MFSD6: variants seen among roughly 807,000 people sequenced by gnomAD.
MFSD6 encodes major facilitator superfamily domain containing 6.
MFSD6 carries 26 observed loss-of-function variants against 56.3 expected under a neutral mutation model. The observed-to-expected ratio is 0.46, with a 90% CI of 0.34 to 0.64. The LOEUF is 0.64. Ranked by LOEUF, MFSD6 falls within the 30% of genes least tolerant of loss-of-function variation. The pLI is 0.01. For missense variants in MFSD6, 750 were observed against 986.2 expected (o/e 0.76, Z 3.21); for synonymous variants, 331 against 366.9 (o/e 0.90, Z 1.12).
At position 190,437,113 on chromosome 2, in the gene MFSD6, C is replaced by A; in HGVS notation, c.1084C>A (p.Pro362Thr). ...EVLIDGKGCK[P>T]PEYRNYQIVF... ...GCTCATCGATGGAAAGGGGTGTAAG[C>A]CCCCCGAGTACAGGAATTACCAGAT... Residue 362 changes from proline (P) to threonine (T), a missense_variant, in exon 3 of 8, where the codon CCC becomes ACC. Coordinates refer to ENST00000392328, the MANE Select transcript of MFSD6 (RefSeq NM_017694.4). This position sits in a 1 kb window ranked among gnomAD's most constrained non-coding sequence, Gnocchi z 5.9. The A allele has an allele frequency of 6.2e-7, 1 of 1,614,208 alleles. No homozygotes were observed. Among genetic ancestry groups the A allele is most frequent in the Admixed American group, 1.7e-5 (1 of 60,032 alleles).
chr2:190,416,156 T>A lies in MFSD6; in HGVS notation c.-54+743T>A, dbSNP rs1690766284. 6.6e-6 allele frequency among the ~76,000 whole-genome samples: 1 copy of A among 152,234 alleles called. No homozygotes were observed. The highest frequency in any genetic ancestry group is 2.1e-4 in the South Asian group (1 of 4,836). On this transcript the variant is annotated intron_variant, in intron 2 of 7. Coordinates refer to ENST00000392328, the MANE Select transcript of MFSD6 (RefSeq NM_017694.4). This position sits in a 1 kb window ranked among gnomAD's most constrained non-coding sequence, Gnocchi z 4.1. ...TAGGAATCTGCTTCATGATGGCTGATAAGGTCTGAGGAACCTAAATTATAA... is the reference window on the plus strand; with the variant it reads ...TAGGAATCTGCTTCATGATGGCTGAAAAGGTCTGAGGAACCTAAATTATAA...
intron 3 of MFSD6, among the ~76,000 whole-genome samples, chr2:190,448,043 A>G (rs369078251): frequency 2.1e-4 from 32 of 152,180 alleles, no homozygotes; most frequent in African/African-American, 7.5e-4. Flanking sequence ...TTCCATCTTC[A>G]GTGGCTGGGT....
chr2:190,484,104 T>C (rs922710818), intron 4 of MFSD6, among the ~76,000 whole-genome samples: 2 of 152,158 alleles, frequency 1.3e-5, no homozygotes, highest in African/African-American at 2.4e-5. Context: ...GCACCTGTTA[T>C]GTGAGTTGGT....
rs180942003 is a variant in MFSD6 at position 190,437,139 on chromosome 2, C to T, written c.1110C>T (p.Ile370=). The T allele has an allele frequency of 1.1e-5, 17 of 1,614,234 alleles. No homozygotes were observed. In the African/African-American group the frequency reaches 1.2e-4, roughly 11 times the overall value. ...CKPPEYRNYQ[I]VFIVFGVLMT... is the part of the protein sequence containing the mutation. Reference sequence around the variant, plus strand: ...CCCCCGAGTACAGGAATTACCAGATCGTCTTCATCGTCTTCGGCGTTCTCA... The same window carrying T: ...CCCCCGAGTACAGGAATTACCAGATTGTCTTCATCGTCTTCGGCGTTCTCA... The change falls in exon 3 of 8, where the codon ATC becomes ATT. Residue 370 remains isoleucine (I), a synonymous_variant. Coordinates refer to ENST00000392328, the MANE Select transcript of MFSD6 (RefSeq NM_017694.4). This position sits in a 1 kb window ranked among gnomAD's most constrained non-coding sequence, Gnocchi z 5.9.
chr2:190,436,163 A>G lies in MFSD6; in HGVS notation c.134A>G (p.Glu45Gly). ...TCGAATGAAACACCTTCCTCCACAG[A>G]AACATCTGCTATTCCTGAGGAGGAA... ...PPSNETPSST[E>G]TSAIPEEEID... is the part of the protein sequence containing the mutation. The change falls in exon 3 of 8, where the codon GAA becomes GGA. Residue 45 changes from glutamate to glycine, a missense_variant. Around this residue, in one of 5 missense-constraint regions of MFSD6, gnomAD observed 76 missense variants for 101.9 expected, o/e 0.75. Transcript: ENST00000392328. The surrounding 1 kb of genome is among the most constrained non-coding windows in gnomAD (Gnocchi z 5.3). 6.2e-7 allele frequency: 1 copy of G among 1,614,112 alleles called. No individual in the cohort carries two copies. Among genetic ancestry groups the G allele is most frequent in the Non-Finnish European group, 8.5e-7 (1 of 1,179,930 alleles).
rs1686905818 is a variant in MFSD6 at position 190,454,450 on chromosome 2, G to C, written c.1533-15308G>C. ...AATGAAGTTTAGAGGTCATGAGAGT[G>C]GGGCCCTCATAATGGGGTTAGTGCC... On this transcript the variant is annotated intron_variant, in intron 3 of 7. Coordinates refer to ENST00000392328, the MANE Select transcript of MFSD6 (RefSeq NM_017694.4). This position sits in a 1 kb window ranked among gnomAD's most constrained non-coding sequence, Gnocchi z 4.6. 1 of 152,126 alleles carries C rather than the reference G, an allele frequency of 6.6e-6. No homozygotes were observed. Among genetic ancestry groups the C allele is most frequent in the South Asian group, 2.1e-4 (1 of 4,822 alleles). 9.4% of individuals were successfully genotyped at this position (152,126 alleles called of 1,614,324 possible). A position where few individuals can be genotyped will look rare whatever the true frequency, so the allele number is the denominator to read the frequency against.
chr2:190,417,915 A>G lies in MFSD6; in HGVS notation c.-54+2502A>G, dbSNP rs1180475797. On this transcript the variant is annotated intron_variant, in intron 2 of 7. Coordinates refer to ENST00000392328, the MANE Select transcript of MFSD6 (RefSeq NM_017694.4). The surrounding 1 kb of genome is among the most constrained non-coding windows in gnomAD (Gnocchi z 5.7). ...TTTAGTTAATAAATTATATAGGGCT[A>G]TGTGGCTTTTCTTCCATTATTATTC... 6.6e-6 allele frequency among the ~76,000 whole-genome samples: 1 copy of G among 150,762 alleles called. No individual in the cohort carries two copies. Among genetic ancestry groups the G allele is most frequent in the Non-Finnish European group, 1.5e-5 (1 of 67,894 alleles).
chr2:190,428,031 C>T (rs1685838099), intron 2 of MFSD6, among the ~76,000 whole-genome samples: 1 of 152,222 alleles, frequency 6.6e-6, no homozygotes, highest in Non-Finnish European at 1.5e-5. Flanking sequence ...TGTGCCCTGC[C>T]ATGTCTACCA....
chr2:190,466,055 CCT>C (rs1471178507), intron 3 of MFSD6, among the ~76,000 whole-genome samples: 2 of 152,302 alleles, frequency 1.3e-5, no homozygotes, highest in African/African-American at 2.4e-5. Context: ...CTTCCAAGGG[CCT>C]CTCTCTTTGG....
chr2:190,497,140 A>C lies in MFSD6; in HGVS notation c.1892-299A>C, dbSNP rs1303981613. Among the ~76,000 whole-genome samples, 1 of 152,174 alleles carries C rather than the reference A, an allele frequency of 6.6e-6. No homozygotes were observed. Among genetic ancestry groups the C allele is most frequent in the Non-Finnish European group, 1.5e-5 (1 of 68,032 alleles). ...AATCATAATCCTGTAAATGGGCCTA[A>C]GGCAACACTCATTATAACCTATGCC... On this transcript the variant is annotated intron_variant, in intron 6 of 7. Coordinates refer to ENST00000392328, the MANE Select transcript of MFSD6 (RefSeq NM_017694.4). The surrounding 1 kb of genome is among the most constrained non-coding windows in gnomAD (Gnocchi z 5.2).
chr2:190,476,470 C>T (rs1163743407), intron 4 of MFSD6, among the ~76,000 whole-genome samples: 2 of 152,108 alleles, frequency 1.3e-5, no homozygotes, highest in Admixed American at 6.6e-5. Flanking sequence ...TCATCACTGG[C>T]CATCAGAGAA....
intron 4 of MFSD6, among the ~76,000 whole-genome samples, chr2:190,476,408 C>T (rs896879804): frequency 6.6e-6 from 1 of 152,212 alleles, no homozygotes; most frequent in Non-Finnish European, 1.5e-5. Flanking sequence ...TGAACAGACT[C>T]TTCTCAAAAG....
Position 190,495,333 on chromosome 2 carries a change from T to TGAAA in MFSD6, c.1892-2101_1892-2098dup, listed in dbSNP as rs1689608103. ...TACAAGGAAAACTACAAAACACTGC[T>TGAAA]GAAAGAAATCATACATGACATACAC... On this transcript the variant is annotated intron_variant, in intron 6 of 7. Coordinates refer to ENST00000392328, the MANE Select transcript of MFSD6 (RefSeq NM_017694.4). This position sits in a 1 kb window ranked among gnomAD's most constrained non-coding sequence, Gnocchi z 4.7. Among the ~76,000 whole-genome samples the TGAAA allele has an allele frequency of 1.3e-5, 2 of 152,130 alleles. No homozygotes were observed. Among genetic ancestry groups the TGAAA allele is most frequent in the African/African-American group, 4.8e-5 (2 of 41,436 alleles).
rs938986974 is a variant in MFSD6, at chr2:190,489,573, A to G, written c.1793-195A>G. ...TTATAATCGATCAATGACAGATCCA[A>G]TATCAGCCCTGGGTCTCTTGACACG... On this transcript the variant is annotated intron_variant, in intron 5 of 7. Coordinates refer to ENST00000392328, the MANE Select transcript of MFSD6 (RefSeq NM_017694.4). The surrounding 1 kb of genome is among the most constrained non-coding windows in gnomAD (Gnocchi z 6.6). 3.9e-5 allele frequency among the ~76,000 whole-genome samples: 6 copies of G among 152,344 alleles called. No homozygotes were observed. The highest frequency in any genetic ancestry group is 3.9e-4 in the East Asian group (2 of 5,186).
At chr2:190,460,886 A>G (rs894297195) in intron 3 of MFSD6, among the ~76,000 whole-genome samples, 1 of 152,206 alleles carries the variant, frequency 6.6e-6, no homozygotes, top group African/African-American at 2.4e-5. Flanking sequence ...TCTTCTTCAT[A>G]TCAGCAATTT....
chr2:190,433,566 G>A lies in MFSD6; in HGVS notation c.-53-2411G>A, dbSNP rs534029955. Among the ~76,000 whole-genome samples, 3 of 152,252 alleles carry A rather than the reference G, an allele frequency of 2.0e-5. No homozygotes were observed. Among genetic ancestry groups the A allele is most frequent in the South Asian group, 2.1e-4 (1 of 4,830 alleles). On this transcript the variant is annotated intron_variant, in intron 2 of 7. Transcript: ENST00000392328. The surrounding 1 kb of genome is among the most constrained non-coding windows in gnomAD (Gnocchi z 4.5). Reference sequence around the variant, plus strand: ...TACATTGTGAATATAGTAAATTACCGCTGAATTGTTCACTTTCAAAATGGT... The same window carrying A: ...TACATTGTGAATATAGTAAATTACCACTGAATTGTTCACTTTCAAAATGGT...
At chr2:190,474,488 CACAA>C (rs780231115) in intron 4 of MFSD6, among the ~76,000 whole-genome samples, 399 of 152,316 alleles carry the variant, frequency 2.6e-3, no homozygotes, top group Non-Finnish European at 4.8e-3. Context: ...AATTCCTTGA[CACAA>C]ACAACCTCCC....
In MFSD6 at chr2:190,413,409, G is replaced by T. The variant is rs1690649047; in HGVS notation, c.-175-1883G>T. Among the ~76,000 whole-genome samples, 1 of 152,160 alleles carries T rather than the reference G, an allele frequency of 6.6e-6. No individual in the cohort carries two copies. Among genetic ancestry groups the T allele is most frequent in the South Asian group, 2.1e-4 (1 of 4,832 alleles). Reference sequence around the variant, plus strand: ...GCAGAGATGTCTTTCTTTGACATTTGTTGTGGGGCATGTTTTAGAATGGGA... The same window carrying T: ...GCAGAGATGTCTTTCTTTGACATTTTTTGTGGGGCATGTTTTAGAATGGGA... On this transcript the variant is annotated intron_variant, in intron 1 of 7. Coordinates refer to ENST00000392328, the MANE Select transcript of MFSD6 (RefSeq NM_017694.4). The surrounding 1 kb of genome is among the most constrained non-coding windows in gnomAD (Gnocchi z 4.1).
Position 190,454,975 on chromosome 2 carries a change from TATGTATATGTATATGTATATGTATA to T in MFSD6, c.1533-14760_1533-14736del, listed in dbSNP as rs367869498. Among the ~76,000 whole-genome samples, 7,390 of 105,144 alleles carry T rather than the reference TATGTATATGTATATGTATATGTATA, an allele frequency of 0.07. 238 individuals are homozygous for T. The highest frequency in any genetic ancestry group is 0.13 in the South Asian group (369 of 2,760). The allele number at this position is 105,144 out of a possible 152,430, so 69.0% of individuals were successfully genotyped here. A position where few individuals can be genotyped will look rare whatever the true frequency, so the allele number is the denominator to read the frequency against. On this transcript the variant is annotated intron_variant, in intron 3 of 7. Coordinates refer to ENST00000392328, the MANE Select transcript of MFSD6 (RefSeq NM_017694.4). The surrounding 1 kb of genome is among the most constrained non-coding windows in gnomAD (Gnocchi z 4.6). ...ATATGTATATGTATATGTATATGTA[TATGTATATGTATATGTATATGTATA>T]ATGTATATGTATATGTATATGTGTG... is the stretch of plus-strand genomic sequence containing the variant.
Sources: gnomAD v4.1 joint callset for allele counts (sites outside exome capture counted in the v4.1 genomes callset) on GRCh38, gnomAD v4.1.1 for gene constraint, gnomAD v4.1.1 regional missense constraint, Gnocchi (gnomAD v3.1) non-coding constraint, MANE v1.5 for transcripts, NCBI Gene and HGNC (gene_info 2026-07-23, HGNC 2026-07-21) for gene names.